The following RBMS3 variants were observed in gnomAD, a reference collection of about 807,000 sequenced individuals.
RBMS3 encodes the protein RNA binding motif single stranded interacting protein 3.
Under a neutral mutation model 66.8 loss-of-function variants are expected in RBMS3, and 27 were observed. That is an observed-to-expected ratio of 0.40 (90% CI 0.30 to 0.56). The LOEUF (loss-of-function observed/expected upper bound fraction) is 0.56, where lower values mean the gene tolerates loss of function less well. Among genes scored for constraint, RBMS3 ranks in the 20% least tolerant of loss-of-function variants. The pLI, the probability that RBMS3 is intolerant of heterozygous loss-of-function variation, is 0.40. For synonymous variants in RBMS3, 188 were observed against 183.0 expected (o/e 1.03, Z -0.22); for missense variants, 513 against 549.5 (o/e 0.93, Z 0.66).
At chr3:29,631,186 C>A (rs2049269578) in intron 4 of RBMS3, among the ~76,000 whole-genome samples, 2 of 151,848 alleles carry the variant, frequency 1.3e-5, no homozygotes, top group Admixed American at 1.3e-4. Context: ...TACAAAACTT[C>A]TTAAATAATG....
chr3:29,739,359 A>G (rs374001178), intron 4 of RBMS3, among the ~76,000 whole-genome samples: 56 of 151,596 alleles, frequency 3.7e-4, no homozygotes, highest in East Asian at 1.6e-3. Flanking sequence ...GGGAGGCTGA[A>G]GCAGGAGAAT....
intron 4 of RBMS3, among the ~76,000 whole-genome samples, chr3:29,633,317 C>T (rs2049352568): frequency 6.6e-6 from 1 of 151,872 alleles, no homozygotes; most frequent in South Asian, 2.1e-4. Flanking sequence ...TTTTATGATT[C>T]ATCCAATAAA....
intron 1 of RBMS3, among the ~76,000 whole-genome samples, chr3:29,320,248 A>T (rs1439362136): frequency 6.6e-6 from 1 of 152,024 alleles, no homozygotes; most frequent in Non-Finnish European, 1.5e-5. Flanking sequence ...ATATGAAGGA[A>T]CGGAGGTTCT....
intron 6 of RBMS3, among the ~76,000 whole-genome samples, chr3:29,851,168 T>C (rs1228915535): frequency 1.3e-5 from 2 of 152,216 alleles, no homozygotes; most frequent in African/African-American, 2.4e-5. Flanking sequence ...TGTTTACTTG[T>C]CTTTTGGCTG....
intron 14 of RBMS3, chr3:29,991,442 T>A: frequency 1.8e-6 from 1 of 551,418 alleles, no homozygotes; most frequent in Non-Finnish European, 3.1e-6. Flanking sequence ...TATCTATGCA[T>A]CTCTGCTTCT....
At chr3:29,364,119 G>C (rs2037766037) in intron 1 of RBMS3, among the ~76,000 whole-genome samples, 1 of 152,138 alleles carries the variant, frequency 6.6e-6, no homozygotes, top group South Asian at 2.1e-4. Flanking sequence ...CATGTCCAAA[G>C]TGAGGGGGAG....
At chr3:29,799,514 A>C (rs1390330474) in intron 6 of RBMS3, among the ~76,000 whole-genome samples, 1 of 152,188 alleles carries the variant, frequency 6.6e-6, no homozygotes, top group Non-Finnish European at 1.5e-5. Context: ...AAAGACTTTT[A>C]CTCCAAGTCA....
intron 1 of RBMS3, among the ~76,000 whole-genome samples, chr3:29,310,604 ATTTG>A (rs2034314362): frequency 6.6e-6 from 1 of 151,580 alleles, no homozygotes; most frequent in Admixed American, 6.6e-5. Context: ...ACATTTTAAG[ATTTG>A]TTTGTTTATT....
At chr3:29,864,714 C>T (rs1248584228) in intron 6 of RBMS3, among the ~76,000 whole-genome samples, 1 of 151,644 alleles carries the variant, frequency 6.6e-6, no homozygotes, top group African/African-American at 2.4e-5. Context: ...AGATATAATA[C>T]ATTCTTTAAA....
intron 1 of RBMS3, among the ~76,000 whole-genome samples, chr3:29,417,862 G>A (rs553509838): frequency 3.7e-4 from 56 of 152,198 alleles, no homozygotes; most frequent in Non-Finnish European, 6.8e-4. Context: ...GAAAGGAATT[G>A]TCTATCGTTT....
intron 10 of RBMS3, among the ~76,000 whole-genome samples, chr3:29,908,582 G>A (rs73831092): frequency 0.021 from 3,230 of 152,104 alleles, 127 homozygotes; most frequent in African/African-American, 0.074. Context: ...TAATGCCCTT[G>A]ATTGTCATAA....
intron 3 of RBMS3, among the ~76,000 whole-genome samples, chr3:29,496,736 A>G (rs2043769036): frequency 6.6e-6 from 1 of 152,210 alleles, no homozygotes; most frequent in South Asian, 2.1e-4. Flanking sequence ...AACTTTGAGA[A>G]GTCCTTGATA....
At chr3:29,321,149 T>C (rs2034986147) in intron 1 of RBMS3, among the ~76,000 whole-genome samples, 1 of 152,102 alleles carries the variant, frequency 6.6e-6, no homozygotes, top group Non-Finnish European at 1.5e-5. Flanking sequence ...GAATAACCTA[T>C]ACATAATTAC....
In RBMS3 at chr3:29,300,041, A is replaced by G. The variant is rs756429345; in HGVS notation, c.75+18285A>G. ...CACAAAAAAGCATAAATGAAGAAAC[A>G]GAAATAGCTACCAAGCACTCAAAAA... On this transcript the variant is annotated intron_variant, in intron 1 of 14. Transcript: ENST00000383767. Among the ~76,000 whole-genome samples, 4 of 152,100 alleles carry G rather than the reference A, an allele frequency of 2.6e-5. No homozygotes were observed. The South Asian group carries it at 8.3e-4, about 32-fold the overall frequency.
chr3:29,649,891 C>G (rs570999811), intron 4 of RBMS3, among the ~76,000 whole-genome samples: 5 of 152,162 alleles, frequency 3.3e-5, no homozygotes. Flanking sequence ...CCATCCATAT[C>G]TATTGGATGC....
chr3:29,658,298 A>G (rs2050396605), intron 4 of RBMS3, among the ~76,000 whole-genome samples: 1 of 152,182 alleles, frequency 6.6e-6, no homozygotes, highest in Non-Finnish European at 1.5e-5. Flanking sequence ...AGAACTTAAA[A>G]CAATGCTTCT....
At chr3:29,900,985 A>G (rs2149609821) in intron 10 of RBMS3, among the ~76,000 whole-genome samples, 1 of 151,884 alleles carries the variant, frequency 6.6e-6, no homozygotes, top group African/African-American at 2.4e-5. Context: ...TAAATAAGGA[A>G]CTTTTCATGT....
At chr3:29,550,402 A>G (rs2046141150) in intron 3 of RBMS3, among the ~76,000 whole-genome samples, 1 of 152,176 alleles carries the variant, frequency 6.6e-6, no homozygotes, top group African/African-American at 2.4e-5. Flanking sequence ...TGTCCCATGC[A>G]ATATTTGGAA....
At chr3:29,764,863 G>A (rs568540935) in intron 6 of RBMS3, among the ~76,000 whole-genome samples, 6 of 152,046 alleles carry the variant, frequency 3.9e-5, no homozygotes, top group Admixed American at 1.3e-4. Context: ...ATTGTGAATA[G>A]CAGGAACTTG....
Sources: gnomAD v4.1 joint callset for allele counts (sites outside exome capture counted in the v4.1 genomes callset) on GRCh38, gnomAD v4.1.1 for gene constraint, MANE v1.5 for transcripts, NCBI Gene and HGNC (gene_info 2026-07-23, HGNC 2026-07-21) for gene names.